Variants in ROR2 observed in about 807,000 individuals in gnomAD.
ROR2 encodes the protein tyrosine-protein kinase transmembrane receptor ROR2.
ROR2 carries 33 observed loss-of-function variants against 74.9 expected under a neutral mutation model. That is an observed-to-expected ratio of 0.44 (90% CI 0.33 to 0.59). ROR2 has a LOEUF of 0.59. Ranked by LOEUF, ROR2 falls within the 20% of genes least tolerant of loss-of-function variation. ROR2 has a pLI of 0.02. For synonymous variants in ROR2, 586 were observed against 558.7 expected, an observed-to-expected ratio of 1.05 and a Z score of -0.69; for missense variants, 1,216 against 1,313.8, an observed-to-expected ratio of 0.93 and a Z score of 1.15.
chr9:91,869,012 G>A (rs1829717615), intron 1 of ROR2, among the ~76,000 whole-genome samples: 1 of 152,120 alleles, frequency 6.6e-6, no homozygotes, highest in Non-Finnish European at 1.5e-5. Flanking sequence ...ATTCACCATA[G>A]AGAGAGGAAA....
At position 91,940,838 on chromosome 9, in the gene ROR2, G is replaced by A. The variant is rs994596185; in HGVS notation, c.97+9029C>T. The stretch of plus-strand genomic sequence containing the variant: ...GCTGGTCTTGAACCCCTGACCTCAG[G>A]TGATTCACCTTCCTCAGCCTCCCAA... On this transcript the variant is annotated intron_variant, in intron 1 of 8. Coordinates refer to ENST00000375708, the MANE Select transcript of ROR2 (RefSeq NM_004560.4). 3.3e-5 allele frequency among the ~76,000 whole-genome samples: 5 copies of A among 152,168 alleles called. No individual in the cohort carries two copies. The South Asian group carries it at 1.0e-3, about 32-fold the overall frequency.
intron 1 of ROR2, among the ~76,000 whole-genome samples, chr9:91,825,446 G>T (rs991523906): frequency 6.6e-6 from 1 of 152,196 alleles, no homozygotes; most frequent in Admixed American, 6.5e-5. Flanking sequence ...AGAGTGCAAT[G>T]TACTTGTGAA....
At chr9:91,909,859 T>TTTG (rs1830925902) in intron 1 of ROR2, among the ~76,000 whole-genome samples, 2 of 126,968 alleles carry the variant, frequency 1.6e-5, no homozygotes, top group African/African-American at 3.2e-5. Flanking sequence ...TTTTTTTTTT[T>TTTG]TTTTTTTTTT....
intron 1 of ROR2, among the ~76,000 whole-genome samples, chr9:91,828,866 A>T (rs577099035): frequency 6.6e-6 from 1 of 152,336 alleles, no homozygotes; most frequent in South Asian, 2.1e-4. Context: ...ATTAGCCTTG[A>T]TATTAAAGAG....
Position 91,733,127 on chromosome 9 carries a change from C to T in ROR2, c.932G>A (p.Gly311Asp), listed in dbSNP as rs2118698835. 1 of 1,593,730 alleles carries T rather than the reference C, an allele frequency of 6.3e-7. No individual in the cohort carries two copies. The highest frequency in any genetic ancestry group is 8.5e-7 in the Non-Finnish European group (1 of 1,172,088). Residue 311 changes from glycine (G) to aspartate (D), a missense_variant, in exon 6 of 9, where the codon GGC (glycine) becomes GAC (aspartate). Physicochemically the swap from Gly to Asp is moderately conservative, Grantham distance 94 (BLOSUM62 -1). Transcript: ENST00000375708. The surrounding 1 kb of genome is among the most constrained non-coding windows in gnomAD (Gnocchi z 5.7). ...MRIGIPAERL[G>D]RYHQCYNGSG... ...CCGGGCCCTCGGGCACTCACAGCGG[C>T]CCAGCCTCTCGGCTGGGATGCCAAT...
chr9:91,864,018 A>T (rs1192340463), intron 1 of ROR2, among the ~76,000 whole-genome samples: 1 of 152,186 alleles, frequency 6.6e-6, no homozygotes, highest in Non-Finnish European at 1.5e-5. Context: ...AAGGAAGCAG[A>T]CGCAGAAACA....
At chr9:91,868,861 C>T (rs927468647) in intron 1 of ROR2, among the ~76,000 whole-genome samples, 3 of 152,122 alleles carry the variant, frequency 2.0e-5, no homozygotes, top group African/African-American at 7.2e-5. Context: ...AGAACTTGGA[C>T]CACCAGGAAT....
At chr9:91,793,676 T>G (rs1201621745) in intron 1 of ROR2, among the ~76,000 whole-genome samples, 2 of 150,872 alleles carry the variant, frequency 1.3e-5, no homozygotes, top group Non-Finnish European at 2.9e-5. Context: ...GCAGGAGAAT[T>G]GCCTGAACCT....
intron 1 of ROR2, among the ~76,000 whole-genome samples, chr9:91,800,891 G>A (rs907376380): frequency 2.0e-5 from 3 of 152,170 alleles, no homozygotes; most frequent in African/African-American, 4.8e-5. Context: ...CAAAACAGAT[G>A]CCAAGTCTGA....
At chr9:91,937,773 G>T (rs575071968) in intron 1 of ROR2, among the ~76,000 whole-genome samples, 4 of 152,172 alleles carry the variant, frequency 2.6e-5, no homozygotes, top group Non-Finnish European at 5.9e-5. Flanking sequence ...CTGGAGTGCA[G>T]TGATCACAGC....
chr9:91,810,102 A>G (rs1160803052), intron 1 of ROR2, among the ~76,000 whole-genome samples: 1 of 152,244 alleles, frequency 6.6e-6, no homozygotes, highest in Non-Finnish European at 1.5e-5. Context: ...CAGGGCCTCC[A>G]GCCCCCATGT....
chr9:91,764,301 A>G (rs1251368603), intron 2 of ROR2, among the ~76,000 whole-genome samples: 2 of 152,124 alleles, frequency 1.3e-5, no homozygotes, highest in African/African-American at 4.8e-5. Flanking sequence ...TCTGTATTAG[A>G]TATAACTCTT....
chr9:91,826,135 C>T (rs889697167), intron 1 of ROR2, among the ~76,000 whole-genome samples: 4 of 152,150 alleles, frequency 2.6e-5, no homozygotes, highest in African/African-American at 9.7e-5. Flanking sequence ...CCAGGGCTAC[C>T]CAGGATACTC....
At chr9:91,887,718 T>C (rs1166140698) in intron 1 of ROR2, among the ~76,000 whole-genome samples, 1 of 152,000 alleles carries the variant, frequency 6.6e-6, no homozygotes, top group African/African-American at 2.4e-5. Flanking sequence ...TGCCCAATAA[T>C]GTAGGTATAA....
intron 1 of ROR2, among the ~76,000 whole-genome samples, chr9:91,784,116 C>A (rs537370210): frequency 1.3e-5 from 2 of 152,296 alleles, no homozygotes; most frequent in South Asian, 4.1e-4. Context: ...GTCCACACCA[C>A]AGCCCGGCCT....
At chr9:91,895,030 A>G (rs1830503859) in intron 1 of ROR2, among the ~76,000 whole-genome samples, 3 of 152,260 alleles carry the variant, frequency 2.0e-5, no homozygotes, top group Admixed American at 6.5e-5. Flanking sequence ...GATGTCCTTC[A>G]GCAGGTAAGA....
chr9:91,762,847 T>C (rs181453426), intron 2 of ROR2, among the ~76,000 whole-genome samples: 161 of 152,354 alleles, frequency 1.1e-3, no homozygotes, highest in Non-Finnish European at 7.5e-4. Flanking sequence ...GTTGAAGGAC[T>C]GTAAGCTATT....
At chr9:91,758,939 G>A (rs1360069923) in intron 2 of ROR2, among the ~76,000 whole-genome samples, 1 of 152,178 alleles carries the variant, frequency 6.6e-6, no homozygotes, top group East Asian at 1.9e-4. Flanking sequence ...ACTAATGTTG[G>A]ACAAGAAAGT....
At chr9:91,929,016 G>A (rs1021518673) in intron 1 of ROR2, among the ~76,000 whole-genome samples, 2 of 152,228 alleles carry the variant, frequency 1.3e-5, no homozygotes, top group Non-Finnish European at 2.9e-5. Flanking sequence ...CTCTGCAGAA[G>A]GCTGGGTTCA....
Sources: allele counts gnomAD v4.1 joint callset (sites outside exome capture counted in the v4.1 genomes callset), GRCh38; gene constraint gnomAD v4.1.1; non-coding constraint Gnocchi (gnomAD v3.1); transcripts MANE v1.5; gene names NCBI Gene and HGNC (gene_info 2026-07-23, HGNC 2026-07-21).